BCL11B: variants seen among roughly 807,000 people sequenced by gnomAD.
BCL11B encodes B-cell lymphoma/leukemia 11B.
In BCL11B, 8 loss-of-function variants were observed where a neutral mutation model predicts 49.9. That is an observed-to-expected ratio of 0.16 (90% confidence interval 0.09 to 0.29). The LOEUF is 0.29. Among genes scored for constraint, BCL11B ranks in the 10% least tolerant of loss-of-function variants. The pLI is 1.00. For synonymous variants in BCL11B, 739 were observed against 637.4 expected (o/e 1.16, Z -2.40); for missense variants, 1,006 against 1,351.0 (o/e 0.74, Z 4.00).
rs1248440723 is a variant in BCL11B at position 99,175,564 on chromosome 14, G to C, written c.1272C>G (p.Ala424=). ...CGCAGAACTCGCACGACTTGCTCTT[G>C]GCTGGCGGCTGCGGGGGCGGCGTGC... is the stretch of plus-strand genomic sequence containing the variant. The part of the protein sequence containing the change: ...PGGTPPPQPP[A]KSKSCEFCGK... The change falls in exon 4 of 4, where the codon GCC becomes GCG. Residue 424 remains alanine, a synonymous_variant. Transcript: ENST00000357195. 1.3e-6 allele frequency: 2 copies of C among 1,593,638 alleles called. No individual in the cohort carries two copies. Among genetic ancestry groups the C allele is most frequent in the East Asian group, 4.6e-5 (2 of 43,866 alleles).
rs1886315257 is a variant in BCL11B, at chr14:99,172,255, C to T, written c.*1896G>A. On this transcript the variant is annotated 3_prime_UTR_variant, in exon 4 of 4. Coordinates refer to ENST00000357195, the MANE Select transcript of BCL11B (RefSeq NM_138576.4). Reference sequence around the variant, plus strand: ...GAGTTTTAATTCAGCAGTAAATCACCTCCACTCCATATCTAAGCAGCGTTG... The same window carrying T: ...GAGTTTTAATTCAGCAGTAAATCACTTCCACTCCATATCTAAGCAGCGTTG... 2 of 226,340 alleles carry T rather than the reference C, an allele frequency of 8.8e-6. No individual in the cohort carries two copies. The highest frequency in any genetic ancestry group is 2.2e-5 in the African/African-American group (1 of 44,914). The allele number at this position is 226,340 out of a possible 1,614,324, so 14.0% of individuals were successfully genotyped here.
chr14:99,201,248 T>C (rs1464661970), intron 3 of BCL11B, among the ~76,000 whole-genome samples: 1 of 152,142 alleles, frequency 6.6e-6, no homozygotes, highest in Non-Finnish European at 1.5e-5. Context: ...GAAAAGCAAA[T>C]TGACCCTCAC....
chr14:99,176,302 GAT>G (rs1197077498), intron 3 of BCL11B, 107 bp from the exon 4 acceptor site: 1 of 1,061,368 alleles, frequency 9.4e-7, no homozygotes, highest in African/African-American at 1.7e-5. Flanking sequence ...GCTGATCCGG[GAT>G]CCCAGTGCCC....
intron 2 of BCL11B, among the ~76,000 whole-genome samples, chr14:99,236,324 G>A (rs768662890): frequency 6.6e-6 from 1 of 152,134 alleles, no homozygotes; most frequent in African/African-American, 2.4e-5. Context: ...AAAATGCTAA[G>A]TATTAAGAGC....
rs569249352 is a variant in BCL11B at position 99,200,005 on chromosome 14, T to A, written c.641-23810A>T. ...ACCTCACCAGTTCTGTTTCCCCAAA[T>A]CCCAAGATATGAGAGTCTATTTCTT... is the stretch of plus-strand genomic sequence containing the variant. On this transcript the variant is annotated intron_variant, in intron 3 of 3. Coordinates refer to ENST00000357195, the MANE Select transcript of BCL11B (RefSeq NM_138576.4). Among the ~76,000 whole-genome samples, 21 of 151,474 alleles carry A rather than the reference T, an allele frequency of 1.4e-4. 1 individual carries two copies. The South Asian group carries it at 4.2e-3, about 30-fold the overall frequency.
chr14:99,179,222 C>T lies in BCL11B; in HGVS notation c.641-3027G>A, dbSNP rs535617944. ...GGCACGGTGGCTCACGCCTGTAATC[C>T]CAGCACTTTGGGAGGCCGAAGCGGG... is the stretch of plus-strand genomic sequence containing the variant. On this transcript the variant is annotated intron_variant, in intron 3 of 3. Coordinates refer to ENST00000357195, the MANE Select transcript of BCL11B (RefSeq NM_138576.4). 2.6e-5 allele frequency among the ~76,000 whole-genome samples: 4 copies of T among 152,168 alleles called. No individual in the cohort carries two copies. In the East Asian group the frequency reaches 7.7e-4, roughly 29 times the overall value.
rs190275080 is a variant in BCL11B at position 99,245,545 on chromosome 14, C to A, written c.427+11926G>T. Among the ~76,000 whole-genome samples, 271 of 152,344 alleles carry A rather than the reference C, an allele frequency of 1.8e-3. 1 individual carries two copies. Among genetic ancestry groups the A allele is most frequent in the African/African-American group, 6.0e-3 (249 of 41,584 alleles). On this transcript the variant is annotated intron_variant, in intron 2 of 3. Coordinates refer to ENST00000357195, the MANE Select transcript of BCL11B (RefSeq NM_138576.4). ...CCGGCCTCACCTGGATCCCGGGAACCGCCCGCTCTGTCCCGCCAAGGTGGG... is the reference window on the plus strand; with the variant it reads ...CCGGCCTCACCTGGATCCCGGGAACAGCCCGCTCTGTCCCGCCAAGGTGGG...
chr14:99,271,049 G>T (rs1889661672), intron 1 of BCL11B, 112 bp downstream of exon 1: 3 of 1,142,248 alleles, frequency 2.6e-6, no homozygotes, highest in Non-Finnish European at 1.2e-6. Context: ...CTGCCAGCCA[G>T]CGGGCGGCCC....
At chr14:99,267,552 C>CCT (rs1491352603) in intron 1 of BCL11B, among the ~76,000 whole-genome samples, 1 of 146,990 alleles carries the variant, frequency 6.8e-6, no homozygotes, top group Non-Finnish European at 1.5e-5. Context: ...TCACCCCCCC[C>CCT]CCACCAACTA....
At chr14:99,218,420 G>A (rs996738966) in intron 3 of BCL11B, among the ~76,000 whole-genome samples, 2 of 151,868 alleles carry the variant, frequency 1.3e-5, no homozygotes, top group Non-Finnish European at 2.9e-5. Context: ...ATCGTTAATA[G>A]TTGTGTTCTG....
At chr14:99,218,129 G>T (rs1229890336) in intron 3 of BCL11B, among the ~76,000 whole-genome samples, 1 of 143,042 alleles carries the variant, frequency 7.0e-6, no homozygotes, top group Non-Finnish European at 1.5e-5. Flanking sequence ...GCAGTGGCGC[G>T]ATCTCAGCTC....
In BCL11B at chr14:99,242,520, G is replaced by A. The variant is rs1036142494; in HGVS notation, c.428-10963C>T. On this transcript the variant is annotated intron_variant, in intron 2 of 3. Transcript: ENST00000357195. This position sits in a 1 kb window ranked among gnomAD's most constrained non-coding sequence, Gnocchi z 4.4. ...CCATCGCAGACTCCAGGTATCTGCC[G>A]TTCCCCACTCCAGCCCCAGTGCCAG... 3.9e-5 allele frequency among the ~76,000 whole-genome samples: 6 copies of A among 152,232 alleles called. No individual in the cohort carries two copies. Among genetic ancestry groups the A allele is most frequent in the East Asian group, 3.9e-4 (2 of 5,152 alleles).
At chr14:99,217,822 C>G (rs1026596846) in intron 3 of BCL11B, among the ~76,000 whole-genome samples, 6 of 152,218 alleles carry the variant, frequency 3.9e-5, no homozygotes, top group African/African-American at 1.4e-4. Flanking sequence ...CCCGTCCCCA[C>G]AGGCTTCAGG....
At chr14:99,263,478 T>C (rs1158125270) in intron 1 of BCL11B, among the ~76,000 whole-genome samples, 1 of 151,996 alleles carries the variant, frequency 6.6e-6, no homozygotes, top group Non-Finnish European at 1.5e-5. Flanking sequence ...GGCCAGGAGG[T>C]GGAAACTCCA....
At chr14:99,188,413 A>C (rs1886920322) in intron 3 of BCL11B, among the ~76,000 whole-genome samples, 1 of 152,220 alleles carries the variant, frequency 6.6e-6, no homozygotes, top group Non-Finnish European at 1.5e-5. Context: ...ACCACTAACC[A>C]GTAACTAACC....
In BCL11B at chr14:99,200,808, G is replaced by C. The variant is rs915030892; in HGVS notation, c.641-24613C>G. Among the ~76,000 whole-genome samples, 3 of 152,214 alleles carry C rather than the reference G, an allele frequency of 2.0e-5. No homozygotes were observed. The East Asian group carries it at 5.8e-4, about 29-fold the overall frequency. ...TTCCAGAGGGCAGAGACTGCCCTGCGTGTGGCTCACCTCGGGGCCTGGAGC... is the reference window on the plus strand; with the variant it reads ...TTCCAGAGGGCAGAGACTGCCCTGCCTGTGGCTCACCTCGGGGCCTGGAGC... On this transcript the variant is annotated intron_variant, in intron 3 of 3. Transcript: ENST00000357195.
At chr14:99,179,399 G>A (rs942816594) in intron 3 of BCL11B, among the ~76,000 whole-genome samples, 1 of 150,138 alleles carries the variant, frequency 6.7e-6, no homozygotes, top group Non-Finnish European at 1.5e-5. Flanking sequence ...GCTTGAACCC[G>A]GGAGACGGAA....
chr14:99,181,958 T>C (rs1384630084), intron 3 of BCL11B, among the ~76,000 whole-genome samples: 2 of 152,210 alleles, frequency 1.3e-5, no homozygotes, highest in Non-Finnish European at 2.9e-5. Flanking sequence ...ATCCCTCAGA[T>C]GTGTAGATTC....
chr14:99,213,704 C>T lies in BCL11B; in HGVS notation c.640+17641G>A, dbSNP rs145409291. Among the ~76,000 whole-genome samples, 13 of 152,192 alleles carry T rather than the reference C, an allele frequency of 8.5e-5. No homozygotes were observed. Among genetic ancestry groups the T allele is most frequent in the Non-Finnish European group, 1.5e-4 (10 of 68,034 alleles). On this transcript the variant is annotated intron_variant, in intron 3 of 3. Transcript: ENST00000357195. The surrounding 1 kb of genome is among the most constrained non-coding windows in gnomAD (Gnocchi z 5.1). ...TCTAAGGGGAAGGCATAGAGTCCAGCGTCAGCCACACGTGTCCTAGCTCAG... is the reference window on the plus strand; with the variant it reads ...TCTAAGGGGAAGGCATAGAGTCCAGTGTCAGCCACACGTGTCCTAGCTCAG...
Sources: gnomAD v4.1 joint callset for allele counts (sites outside exome capture counted in the v4.1 genomes callset) on GRCh38, gnomAD v4.1.1 for gene constraint, Gnocchi (gnomAD v3.1) non-coding constraint, MANE v1.5 for transcripts, NCBI Gene and HGNC (gene_info 2026-07-23, HGNC 2026-07-21) for gene names.